Variants in IMPG1 observed in about 807,000 individuals in gnomAD.
The protein encoded by IMPG1 is interphotoreceptor matrix proteoglycan of 150 kDa.
Under a neutral mutation model 92.0 loss-of-function variants are expected in IMPG1, and 85 were observed. The observed-to-expected ratio is 0.92, with a 90% confidence interval of 0.78 to 1.11. The LOEUF is 1.11. Among genes scored for constraint, IMPG1 ranks in the 50% least tolerant of loss-of-function variants. The probability of loss-of-function intolerance (pLI) is 0.00; values close to 1 mark genes in which losing one functional copy is unlikely to be tolerated. For synonymous variants in IMPG1, 367 were observed against 334.1 expected (o/e 1.10, Z -1.08); for missense variants, 1,022 against 956.0 (o/e 1.07, Z -0.91).
chr6:76,057,529 C>T (rs750371370), intron 1 of IMPG1, among the ~76,000 whole-genome samples: 2 of 152,130 alleles, frequency 1.3e-5, no homozygotes, highest in African/African-American at 2.4e-5. Flanking sequence ...CCCGGCTAGA[C>T]AGCCTAATAT....
intron 12 of IMPG1, among the ~76,000 whole-genome samples, chr6:75,995,109 T>C (rs1046408908): frequency 2.6e-5 from 4 of 152,224 alleles, no homozygotes; most frequent in South Asian, 2.1e-4. Context: ...AATCCATTCA[T>C]GGATTCAGAA....
intron 1 of IMPG1, among the ~76,000 whole-genome samples, chr6:76,057,939 A>G (rs1023399719): frequency 2.0e-5 from 3 of 151,988 alleles, no homozygotes; most frequent in African/African-American, 4.8e-5. Flanking sequence ...GATTGTTTCT[A>G]TCTTTTTCTA....
chr6:75,940,662 G>A (rs1781824370), intron 14 of IMPG1, among the ~76,000 whole-genome samples: 3 of 152,170 alleles, frequency 2.0e-5, no homozygotes, highest in Non-Finnish European at 4.4e-5. Flanking sequence ...GACACCAAAA[G>A]TGGAAGCAAA....
chr6:76,033,385 G>T (rs189364841), intron 4 of IMPG1, among the ~76,000 whole-genome samples: 5 of 152,196 alleles, frequency 3.3e-5, no homozygotes, highest in African/African-American at 7.2e-5. Context: ...GGCTGGAAAA[G>T]GTTGGGAGTG....
chr6:75,985,965 A>T (rs1326576652), intron 12 of IMPG1, among the ~76,000 whole-genome samples: 1 of 152,180 alleles, frequency 6.6e-6, no homozygotes, highest in Admixed American at 6.5e-5. Context: ...CCACCTGAAG[A>T]GGGATGAAAG....
chr6:75,972,684 C>T (rs548315236), intron 12 of IMPG1, among the ~76,000 whole-genome samples: 28 of 152,264 alleles, frequency 1.8e-4, no homozygotes, highest in Non-Finnish European at 2.2e-4. Flanking sequence ...TTGTTTTTTA[C>T]ACTTCTGTTT....
At chr6:75,961,284 G>A (rs1275153282) in intron 12 of IMPG1, among the ~76,000 whole-genome samples, 2 of 152,046 alleles carry the variant, frequency 1.3e-5, no homozygotes, top group Non-Finnish European at 2.9e-5. Flanking sequence ...TATCTTTAAG[G>A]GGCATGACCA....
intron 15 of IMPG1, among the ~76,000 whole-genome samples, chr6:75,930,315 AAG>A (rs934697040): frequency 2.0e-5 from 3 of 152,234 alleles, no homozygotes; most frequent in African/African-American, 4.8e-5. Flanking sequence ...AAGTTAAAAA[AAG>A]AGGACTATAA....
intron 12 of IMPG1, among the ~76,000 whole-genome samples, chr6:75,980,868 C>T (rs1782615836): frequency 6.6e-6 from 1 of 152,150 alleles, no homozygotes; most frequent in Non-Finnish European, 1.5e-5. Context: ...TTAGTTCTGT[C>T]CCTCTAGAGA....
chr6:76,057,302 A>G (rs548310212), intron 1 of IMPG1, among the ~76,000 whole-genome samples: 1 of 152,296 alleles, frequency 6.6e-6, no homozygotes, highest in Non-Finnish European at 1.5e-5. Flanking sequence ...ACTTAAAATA[A>G]AAGTTGGAAA....
intron 12 of IMPG1, among the ~76,000 whole-genome samples, chr6:75,989,938 G>T (rs184083134): frequency 6.6e-6 from 1 of 152,218 alleles, no homozygotes; most frequent in East Asian, 1.9e-4. Context: ...ATGTTAATTA[G>T]CTTGACTGTA....
At chr6:76,007,177 A>G (rs1034405033) in intron 9 of IMPG1, among the ~76,000 whole-genome samples, 1 of 152,186 alleles carries the variant, frequency 6.6e-6, no homozygotes, top group African/African-American at 2.4e-5. Context: ...TTAAGAAATA[A>G]ATTATGCTTG....
At chr6:76,065,084 G>GA (rs1784286649) in intron 1 of IMPG1, among the ~76,000 whole-genome samples, 1 of 151,736 alleles carries the variant, frequency 6.6e-6, no homozygotes, top group Admixed American at 6.6e-5. Context: ...ATCCTGAAGG[G>GA]GAAAAAATCC....
intron 12 of IMPG1, among the ~76,000 whole-genome samples, chr6:75,980,601 T>A (rs1030044224): frequency 3.3e-5 from 5 of 152,184 alleles, no homozygotes; most frequent in Non-Finnish European, 5.9e-5. Context: ...CCTTCATCTG[T>A]CTCCTGTGCT....
chr6:76,067,214 TA>T (rs138329525), intron 1 of IMPG1, among the ~76,000 whole-genome samples: 91 of 145,612 alleles, frequency 6.2e-4, no homozygotes, highest in Non-Finnish European at 9.1e-4. Context: ...AAATGGAGAC[TA>T]AAAAAAAAAT....
At chr6:75,963,723 C>G (rs1025529233) in intron 12 of IMPG1, among the ~76,000 whole-genome samples, 74 of 152,200 alleles carry the variant, frequency 4.9e-4, no homozygotes, top group African/African-American at 1.7e-3. Context: ...CTGTTATCCC[C>G]CACTCCCCAG....
chr6:76,019,809 C>T lies in IMPG1; in HGVS notation c.667-951G>A, dbSNP rs573046979. ...ATTTTGTTAGGCAAATTGGAAGTTT[C>T]ATGGAACATTTAAATGACTGTGAAA... On this transcript the variant is annotated intron_variant, in intron 6 of 16. Transcript: ENST00000369950. Among the ~76,000 whole-genome samples the T allele has an allele frequency of 2.2e-4, 33 of 152,212 alleles. 1 individual carries two copies. The highest frequency in any genetic ancestry group is 7.7e-4 in the African/African-American group (32 of 41,532).
chr6:76,035,677 T>C (rs1783731708), intron 2 of IMPG1, among the ~76,000 whole-genome samples: 1 of 152,172 alleles, frequency 6.6e-6, no homozygotes, highest in Non-Finnish European at 1.5e-5. Context: ...AGGTGTCCAT[T>C]TTCCTGTGCA....
At chr6:76,062,822 G>A (rs1047303566) in intron 1 of IMPG1, among the ~76,000 whole-genome samples, 1 of 147,988 alleles carries the variant, frequency 6.8e-6, no homozygotes, top group Non-Finnish European at 1.5e-5. Context: ...AGATACTTAT[G>A]AAATAAAAAG....
Sources: allele counts gnomAD v4.1 joint callset (sites outside exome capture counted in the v4.1 genomes callset), GRCh38; gene constraint gnomAD v4.1.1; transcripts MANE v1.5; gene names NCBI Gene and HGNC (gene_info 2026-07-23, HGNC 2026-07-21).